DNHD1: variants seen among roughly 807,000 people sequenced by gnomAD.
DNHD1 encodes the protein dynein heavy chain domain-containing protein 1.
DNHD1 carries 383 observed loss-of-function variants against 458.1 expected under a neutral mutation model. The ratio of observed to expected loss-of-function variants is 0.84; its 90% CI spans 0.77 to 0.91. DNHD1 has a LOEUF of 0.91. DNHD1 is among the 40% of genes least tolerant of loss of function. The probability of loss-of-function intolerance (pLI) is 0.00; values close to 1 mark genes in which losing one functional copy is unlikely to be tolerated. For missense variants in DNHD1, 5,336 were observed against 5,866.1 expected (o/e 0.91, Z 2.95); for synonymous variants, 2,203 against 2,376.9 (o/e 0.93, Z 2.13).
chr11:6,550,970 G>T (rs1162660096), intron 24 of DNHD1, among the ~76,000 whole-genome samples: 1 of 152,068 alleles, frequency 6.6e-6, no homozygotes, highest in Non-Finnish European at 1.5e-5. Context: ...CAAGAAAGTA[G>T]GGACATTAAA....
intron 24 of DNHD1, among the ~76,000 whole-genome samples, chr11:6,555,148 C>T (rs1853435029): frequency 6.6e-6 from 1 of 152,104 alleles, no homozygotes; most frequent in Non-Finnish European, 1.5e-5. Context: ...ACCCTATTCC[C>T]TTACATATAC....
In DNHD1 at chr11:6,546,972, G is replaced by T; in HGVS notation, c.6033G>T (p.Arg2011=). 1 of 1,551,484 alleles carries T rather than the reference G, an allele frequency of 6.4e-7. No homozygotes were observed. Among genetic ancestry groups the T allele is most frequent in the Middle Eastern group, 1.7e-4 (1 of 5,992 alleles). The change falls in exon 21 of 43, where the codon CGG becomes CGT. Residue 2011 remains arginine (R), a synonymous_variant. Coordinates refer to ENST00000254579, the MANE Select transcript of DNHD1 (RefSeq NM_144666.3). ...ACAGCTTATTTAAGATCCAGAATCG[G>T]CTGGCAGCCATGGAGGACACCTCAA... ...CWHSLFKIQN[R]LAAMEDTSTQ... is the part of the protein sequence containing the mutation.
At chr11:6,515,151 G>A (rs1852434388) in intron 7 of DNHD1, among the ~76,000 whole-genome samples, 1 of 152,164 alleles carries the variant, frequency 6.6e-6, no homozygotes, top group Non-Finnish European at 1.5e-5. Context: ...TGGCAATTAA[G>A]TTTCCAACAC....
At position 6,571,099 on chromosome 11, in the gene DNHD1, G is replaced by T. The variant is rs1194982950; in HGVS notation, c.13587G>T (p.Trp4529Cys). ...RRCAAVAHAL[W>C]TGRLPLPWRP... ...GTGCTGCGGTGGCCCACGCTCTCTG[G>T]ACTGGCCGCCTACCCTTGCCTTGGC... Residue 4529 changes from tryptophan to cysteine, a missense_variant, in exon 42 of 43, where the codon TGG becomes TGT. Trp to Cys is a radical substitution (Grantham distance 215). Around this residue, in one of 4 missense-constraint regions of DNHD1, gnomAD observed 698 missense variants for 664.9 expected, o/e 1.05. Transcript: ENST00000254579. The surrounding 1 kb of genome is among the most constrained non-coding windows in gnomAD (Gnocchi z 5.0). 1.3e-6 allele frequency: 2 copies of T among 1,596,736 alleles called. No homozygotes were observed. The highest frequency in any genetic ancestry group is 1.7e-5 in the Admixed American group (1 of 59,536).
chr11:6,515,405 T>C (rs1852440651), intron 7 of DNHD1, among the ~76,000 whole-genome samples: 1 of 152,202 alleles, frequency 6.6e-6, no homozygotes, highest in Non-Finnish European at 1.5e-5. Context: ...CAAACCAGAA[T>C]TATGTATTGA....
chr11:6,544,601 T>G lies in DNHD1; in HGVS notation c.3782T>G (p.Phe1261Cys). 1 of 1,551,492 alleles carries G rather than the reference T, an allele frequency of 6.4e-7. No homozygotes were observed. The highest frequency in any genetic ancestry group is 8.7e-7 in the Non-Finnish European group (1 of 1,146,946). ...LGALLEVWLT[F>C]QQKWIFLNKV... ...GCCCTGCTGGAGGTGTGGCTGACTTTCCAGCAGAAGTGGATTTTTCTGAAT... is the reference window on the plus strand; with the variant it reads ...GCCCTGCTGGAGGTGTGGCTGACTTGCCAGCAGAAGTGGATTTTTCTGAAT... The change falls in exon 20 of 43, where the codon TTC becomes TGC. Residue 1261 changes from phenylalanine to cysteine, a missense_variant. Around this residue, in one of 4 missense-constraint regions of DNHD1, gnomAD observed 3,932 missense variants for 4,365.6 expected, o/e 0.90. Transcript: ENST00000254579.
intron 40 of DNHD1, 63 bp downstream of exon 40, chr11:6,570,163 G>A (rs1217271243): frequency 3.1e-6 from 5 of 1,613,430 alleles, no homozygotes; most frequent in Non-Finnish European, 4.2e-6. Flanking sequence ...AGAGGGTGGG[G>A]GTGGGATACA....
chr11:6,498,738 C>T lies in DNHD1; in HGVS notation c.523C>T (p.Gln175Ter), dbSNP rs1231865935. The change falls in exon 3 of 43, where the codon CAG (glutamine) becomes TAG (stop). Residue 175 changes from glutamine (Q) to a stop codon, truncating the protein, a stop_gained. Coordinates refer to ENST00000254579, the MANE Select transcript of DNHD1 (RefSeq NM_144666.3). LOFTEE classifies it high-confidence loss of function. ...TTTTGTGCAGGCCCAGTGGAGCAGG[C>T]AGCAAGTAAAGGAGGAGCTGGCCAC... ...CPFVQAQWSR[Q>*]QVKEELATWL... The T allele has an allele frequency of 6.2e-7, 1 of 1,614,050 alleles. No homozygotes were observed. Among genetic ancestry groups the T allele is most frequent in the Non-Finnish European group, 8.5e-7 (1 of 1,180,020 alleles).
Position 6,567,149 on chromosome 11 carries a change from C to T in DNHD1, c.11640C>T (p.Asn3880=), listed in dbSNP as rs565077437. ...CACTTTTCTGTATGAGCCCAGAGAA[C>T]TGGCTGGCAGTCACTAAGCAGGCTC... The part of the protein sequence containing the change: ...LLPLFCMSPE[N]WLAVTKQALD... Residue 3880 remains asparagine (N), a synonymous_variant, in exon 36 of 43, where the codon AAC becomes AAT. Transcript: ENST00000254579. 9 of 1,614,072 alleles carry T rather than the reference C, an allele frequency of 5.6e-6. No homozygotes were observed. The Admixed American group carries it at 1.0e-4, about 18-fold the overall frequency.
chr11:6,508,985 G>A lies in DNHD1; in HGVS notation c.1026G>A (p.Thr342=), dbSNP rs1852282090. 3.1e-6 allele frequency: 5 copies of A among 1,614,066 alleles called. No homozygotes were observed. The highest frequency in any genetic ancestry group is 2.2e-5 in the East Asian group (1 of 44,894). Residue 342 remains threonine (T), a synonymous_variant, in exon 5 of 43, where the codon ACG becomes ACA. Transcript: ENST00000254579. ...TACATCCTGTGGAAGGTAGCGAGAC[G>A]ATGACACTGGGTACCTGGCACCATC... ...LHVHPVEGSE[T]MTLGTWHHHC...
At chr11:6,520,433 CACATATGTGTTGT>C (rs1852582948) in intron 10 of DNHD1, 144 bp downstream of exon 10, 2 of 1,496,410 alleles carry the variant, frequency 1.3e-6, no homozygotes, top group Non-Finnish European at 1.8e-6. Flanking sequence ...CTGGGTACTG[CACATATGTGTTGT>C]GGGTAGAAAG....
chr11:6,549,362 T>C (rs561155280), intron 24 of DNHD1, among the ~76,000 whole-genome samples: 9 of 152,350 alleles, frequency 5.9e-5, no homozygotes, highest in African/African-American at 2.2e-4. Context: ...CCAGTCACCA[T>C]GTCTTTTCAA....
intron 24 of DNHD1, among the ~76,000 whole-genome samples, chr11:6,551,676 C>T (rs190387465): frequency 5.9e-5 from 9 of 152,338 alleles, no homozygotes; most frequent in African/African-American, 1.9e-4. Context: ...GGCACTGTGG[C>T]TCACGCCTGT....
intron 28 of DNHD1, among the ~76,000 whole-genome samples, chr11:6,560,120 G>T (rs1853555794): frequency 6.6e-6 from 1 of 152,176 alleles, no homozygotes; most frequent in Admixed American, 6.5e-5. Flanking sequence ...TTAATAAGAA[G>T]AATTCTAAAA....
intron 14 of DNHD1, among the ~76,000 whole-genome samples, chr11:6,537,792 A>C (rs1852989383): frequency 2.0e-5 from 3 of 152,116 alleles, no homozygotes; most frequent in Admixed American, 2.0e-4. Context: ...TTAGCCTGAC[A>C]TGGTGGTGTG....
At chr11:6,510,060 A>G (rs1159968723) in intron 6 of DNHD1, among the ~76,000 whole-genome samples, 1 of 152,002 alleles carries the variant, frequency 6.6e-6, no homozygotes, top group Non-Finnish European at 1.5e-5. Flanking sequence ...TTTTAACTCA[A>G]ATTTCAACCA....
chr11:6,546,244 G>A lies in DNHD1; in HGVS notation c.5305G>A (p.Glu1769Lys), dbSNP rs539313678. The A allele has an allele frequency of 1.0e-4, 162 of 1,552,188 alleles. No individual in the cohort carries two copies. In the Middle Eastern group the frequency reaches 1.7e-3, roughly 16 times the overall value. Reference protein sequence around the residue: ...LHHLYAPLYQEASRNTSTIDP... With the variant: ...LHHLYAPLYQKASRNTSTIDP... Reference sequence around the variant, plus strand: ...CCACTTGTATGCCCCACTGTACCAGGAGGCTTCCCGAAACACAAGCACCAT... The same window carrying A: ...CCACTTGTATGCCCCACTGTACCAGAAGGCTTCCCGAAACACAAGCACCAT... Residue 1769 changes from glutamate to lysine, a missense_variant, in exon 21 of 43, where the codon GAG becomes AAG. Around this residue, in one of 4 missense-constraint regions of DNHD1, gnomAD observed 3,932 missense variants for 4,365.6 expected, o/e 0.90. Coordinates refer to ENST00000254579, the MANE Select transcript of DNHD1 (RefSeq NM_144666.3).
At chr11:6,519,166 A>T (rs1852550998) in intron 7 of DNHD1, among the ~76,000 whole-genome samples, 1 of 152,194 alleles carries the variant, frequency 6.6e-6, no homozygotes, top group African/African-American at 2.4e-5. Context: ...CTATTATAAC[A>T]TAAACCAATA....
At chr11:6,566,566 C>T (rs1853704234) in intron 34 of DNHD1, 21 bp from the exon 35 acceptor site, 3 of 1,612,596 alleles carry the variant, frequency 1.9e-6, no homozygotes, top group Middle Eastern at 1.7e-4. Flanking sequence ...AGAGGTTAAG[C>T]ATCTCCCATG....
Sources: gnomAD v4.1 joint callset for allele counts (sites outside exome capture counted in the v4.1 genomes callset) on GRCh38, gnomAD v4.1.1 for gene constraint, gnomAD v4.1.1 regional missense constraint, Gnocchi (gnomAD v3.1) non-coding constraint, MANE v1.5 for transcripts, NCBI Gene and HGNC (gene_info 2026-07-23, HGNC 2026-07-21) for gene names.